ESRP1: variants seen among roughly 807,000 people sequenced by gnomAD.
ESRP1 encodes the protein RNA-binding motif protein 35A.
In ESRP1, 33 loss-of-function variants were observed where a neutral mutation model predicts 81.7. The observed-to-expected ratio is 0.40, with a 90% CI of 0.31 to 0.54. The LOEUF (loss-of-function observed/expected upper bound fraction) is 0.54, where lower values mean the gene tolerates loss of function less well. ESRP1 is among the 20% of genes least tolerant of loss of function. The probability of loss-of-function intolerance (pLI) is 0.41; values close to 1 mark genes in which losing one functional copy is unlikely to be tolerated. For missense variants in ESRP1, 672 were observed against 833.1 expected, an observed-to-expected ratio of 0.81 and a Z score of 2.38; for synonymous variants, 320 against 303.3, an observed-to-expected ratio of 1.06 and a Z score of -0.57.
At chr8:94,681,054 T>C (rs1374678075) in intron 13 of ESRP1, among the ~76,000 whole-genome samples, 3 of 151,030 alleles carry the variant, frequency 2.0e-5, no homozygotes, top group African/African-American at 7.3e-5. Context: ...AATAAAAAAC[T>C]GTGGCTCACG....
chr8:94,661,798 T>C (rs1818760926), intron 4 of ESRP1, among the ~76,000 whole-genome samples: 1 of 152,180 alleles, frequency 6.6e-6, no homozygotes, highest in Non-Finnish European at 1.5e-5. Context: ...AAAAGTGGCA[T>C]TGTGGAAGTA....
intron 4 of ESRP1, among the ~76,000 whole-genome samples, chr8:94,648,387 G>A (rs1327060486): frequency 6.6e-6 from 1 of 152,144 alleles, no homozygotes; most frequent in Non-Finnish European, 1.5e-5. Context: ...TTGCTGCTGT[G>A]GTGAGTTATT....
intron 12 of ESRP1, among the ~76,000 whole-genome samples, chr8:94,677,127 A>C (rs1157752441): frequency 1.3e-5 from 2 of 152,178 alleles, no homozygotes; most frequent in Admixed American, 1.3e-4. Context: ...TAAATATGAG[A>C]TCAATATGTT....
chr8:94,662,649 C>G, intron 6 of ESRP1, 94 bp downstream of exon 6: 1 of 1,126,410 alleles, frequency 8.9e-7, no homozygotes, highest in South Asian at 1.6e-5. Context: ...GCTCTGTCGC[C>G]CAGGCTGGAG....
At chr8:94,678,775 C>G (rs1253095210) in intron 13 of ESRP1, among the ~76,000 whole-genome samples, 1 of 152,154 alleles carries the variant, frequency 6.6e-6, no homozygotes, top group Admixed American at 6.5e-5. Context: ...AAAACTGTTG[C>G]TTTAAATATT....
intron 13 of ESRP1, among the ~76,000 whole-genome samples, chr8:94,687,056 C>A (rs371953028): frequency 1.3e-5 from 2 of 152,222 alleles, no homozygotes; most frequent in Admixed American, 1.3e-4. Context: ...ACAATCTAAT[C>A]TTTAGGTAAT....
Position 94,646,288 on chromosome 8 carries a change from C to T in ESRP1, c.490+6C>T. The T allele has an allele frequency of 6.6e-7, 1 of 1,506,276 alleles. No homozygotes were observed. Among genetic ancestry groups the T allele is most frequent in the Non-Finnish European group, 9.2e-7 (1 of 1,089,770 alleles). The allele number at this position is 1,506,276 out of a possible 1,614,324, so 93.3% of individuals were successfully genotyped here. A position where few individuals can be genotyped will look rare whatever the true frequency, so the allele number is the denominator to read the frequency against. ...CGTTGCCACAATGACAGAGTGTATC[C>T]TTTAAATCATTACTCAAGAATCATT... On this transcript the variant is annotated splice_donor_region_variant and intron_variant, in intron 4 of 15. Transcript: ENST00000433389.
chr8:94,682,334 G>A (rs1047885839), intron 13 of ESRP1, among the ~76,000 whole-genome samples: 1 of 151,998 alleles, frequency 6.6e-6, no homozygotes, highest in Non-Finnish European at 1.5e-5. Flanking sequence ...CTTGCTTTTC[G>A]TACGACATTA....
rs1394442716 is a variant in ESRP1 at position 94,698,337 on chromosome 8, C to T, written c.*35+1376C>T. Among the ~76,000 whole-genome samples, 4 of 152,320 alleles carry T rather than the reference C, an allele frequency of 2.6e-5. No individual in the cohort carries two copies. The South Asian group carries it at 6.2e-4, about 24-fold the overall frequency. ...AATGTGACTATTCTAGGTAGTCCTTCCTAAGCAGACTGATTTGTCCTTCGG... is the reference window on the plus strand; with the variant it reads ...AATGTGACTATTCTAGGTAGTCCTTTCTAAGCAGACTGATTTGTCCTTCGG... On this transcript the variant is annotated intron_variant, in intron 15 of 15. Transcript: ENST00000433389.
chr8:94,696,808 G>A, intron 14 of ESRP1, 44 bp from the exon 15 acceptor site: 2 of 1,425,056 alleles, frequency 1.4e-6, no homozygotes, highest in Non-Finnish European at 1.9e-6. Flanking sequence ...CATAGTGACA[G>A]TTTGTCCGTC....
At chr8:94,652,207 G>A (rs2130562878) in intron 4 of ESRP1, among the ~76,000 whole-genome samples, 1 of 149,926 alleles carries the variant, frequency 6.7e-6, no homozygotes, top group East Asian at 2.0e-4. Context: ...AGGCTGGTCT[G>A]GAACTCCTGA....
intron 4 of ESRP1, 40 bp from the exon 5 acceptor site, chr8:94,662,232 T>C: frequency 7.6e-7 from 1 of 1,314,218 alleles, no homozygotes; most frequent in Non-Finnish European, 1.1e-6. Flanking sequence ...AGTAACCTGA[T>C]TTTACCTTTC....
intron 12 of ESRP1, among the ~76,000 whole-genome samples, chr8:94,676,252 T>A (rs12543253): frequency 0.31 from 46,803 of 150,500 alleles, 8,754 homozygotes; most frequent in East Asian, 0.58. Context: ...TACCAGCTAC[T>A]GAGGCAGGAG....
At chr8:94,692,104 G>T (rs1210083058) in intron 13 of ESRP1, among the ~76,000 whole-genome samples, 4 of 152,130 alleles carry the variant, frequency 2.6e-5, no homozygotes, top group Admixed American at 6.5e-5. Flanking sequence ...TAATTTTTAT[G>T]TATCTCTTCC....
intron 13 of ESRP1, among the ~76,000 whole-genome samples, chr8:94,680,262 AGAGT>A (rs1808820992): frequency 6.6e-6 from 1 of 152,218 alleles, no homozygotes; most frequent in Non-Finnish European, 1.5e-5. Context: ...ATTAACCCCT[AGAGT>A]GTGTTATTTT....
intron 2 of ESRP1, among the ~76,000 whole-genome samples, chr8:94,642,401 C>G (rs919849093): frequency 3.3e-5 from 5 of 152,250 alleles, no homozygotes; most frequent in Admixed American, 2.0e-4. Context: ...CCTAGCGCCC[C>G]CATCTCCAGG....
intron 13 of ESRP1, among the ~76,000 whole-genome samples, chr8:94,688,907 G>C (rs1809255764): frequency 6.6e-6 from 1 of 152,078 alleles, no homozygotes. Flanking sequence ...AATTTTGATA[G>C]CTATTGCATT....
intron 14 of ESRP1, 89 bp from the exon 15 acceptor site, chr8:94,696,763 T>G: frequency 1.0e-6 from 1 of 1,003,058 alleles, no homozygotes; most frequent in Non-Finnish European, 1.5e-6. Flanking sequence ...TGTCCTATAC[T>G]TTTGTTGGTA....
intron 4 of ESRP1, among the ~76,000 whole-genome samples, chr8:94,658,266 G>T (rs1359214729): frequency 6.6e-6 from 1 of 152,072 alleles, no homozygotes; most frequent in African/African-American, 2.4e-5. Context: ...TATCTGTCAG[G>T]GTTATTATGA....
Sources: gnomAD v4.1 joint callset for allele counts (sites outside exome capture counted in the v4.1 genomes callset) on GRCh38, gnomAD v4.1.1 for gene constraint, MANE v1.5 for transcripts, NCBI Gene and HGNC (gene_info 2026-07-23, HGNC 2026-07-21) for gene names.